PNPO: variants seen among roughly 807,000 people sequenced by gnomAD.
PNPO encodes pyridoxine-5'-phosphate oxidase.
PNPO carries 39 observed loss-of-function variants against 35.0 expected under a neutral mutation model. The ratio of observed to expected loss-of-function variants is 1.11; its 90% CI spans 0.86 to 1.45. The LOEUF is 1.45. Among genes scored for constraint, PNPO ranks in the 40% most tolerant of loss-of-function variants. PNPO has a pLI of 0.00. For synonymous variants in PNPO, 115 were observed against 119.8 expected (o/e 0.96, Z 0.26); for missense variants, 288 against 340.0 (o/e 0.85, Z 1.20).
chr17:47,945,684 C>T lies in PNPO; in HGVS notation c.417+72C>T, dbSNP rs963954421. ...GGCCTGAGTTTATGGCTACGTCTAG[C>T]GAAGGTCCCCAGACTGGGCAAACAT... On this transcript the variant is annotated intron_variant, in intron 4 of 6. Coordinates refer to ENST00000642017, the MANE Select transcript of PNPO (RefSeq NM_018129.4). This position sits in a 1 kb window ranked among gnomAD's most constrained non-coding sequence, Gnocchi z 4.0. 41 of 1,451,676 alleles carry T rather than the reference C, an allele frequency of 2.8e-5. No individual in the cohort carries two copies. Among genetic ancestry groups the T allele is most frequent in the Middle Eastern group, 1.8e-4 (1 of 5,668 alleles). 89.9% of individuals were successfully genotyped at this position (1,451,676 alleles called of 1,614,324 possible).
Position 47,945,947 on chromosome 17 carries a change from G to A in PNPO, c.504G>A (p.Gly168=), listed in dbSNP as rs141387622. Residue 168 remains glycine (G), a synonymous_variant, in exon 5 of 7, where the codon GGG becomes GGA. Transcript: ENST00000642017. The surrounding 1 kb of genome is among the most constrained non-coding windows in gnomAD (Gnocchi z 4.0). ...FHSRPKSSQI[G]AVVSHQSSVI... ...CCCGCCCCAAGAGCAGCCAGATTGG[G>A]GCTGTGGTCAGCCACCAGAGTTCTG... 15 of 1,613,938 alleles carry A rather than the reference G, an allele frequency of 9.3e-6. No homozygotes were observed. Among genetic ancestry groups the A allele is most frequent in the South Asian group, 6.6e-5 (6 of 91,090 alleles).
chr17:47,946,395 T>C lies in PNPO; in HGVS notation c.617+2T>C, dbSNP rs2036009287. 6.2e-7 allele frequency: 1 copy of C among 1,608,702 alleles called. No individual in the cohort carries two copies. The highest frequency in any genetic ancestry group is 1.3e-5 in the African/African-American group (1 of 74,958). On this transcript the variant is annotated splice_donor_variant, in intron 6 of 6. Coordinates refer to ENST00000642017, the MANE Select transcript of PNPO (RefSeq NM_018129.4). LOFTEE classifies it high-confidence loss of function. ...AGAGGTGCCCAAGCCAAAATCCTGGTGAGTGACATCTGGTAGTCCTCTAGA... is the reference window on the plus strand; with the variant it reads ...AGAGGTGCCCAAGCCAAAATCCTGGCGAGTGACATCTGGTAGTCCTCTAGA...
In PNPO at chr17:47,944,618, A is replaced by G; in HGVS notation, c.266A>G (p.Asp89Gly). ...NAMCLATCTRDGKPSARMLLL... is the reference protein window; with the variant it reads ...NAMCLATCTRGGKPSARMLLL... Reference sequence around the variant, plus strand: ...AGTGCTCTGCTCTTTGCTCCTAGAGATGGAAAACCCTCTGCTCGCATGTTG... The same window carrying G: ...AGTGCTCTGCTCTTTGCTCCTAGAGGTGGAAAACCCTCTGCTCGCATGTTG... Residue 89 changes from aspartate to glycine, a missense_variant and splice_region_variant, in exon 3 of 7, where the codon GAT (aspartate) becomes GGT (glycine). Physicochemically the swap from Asp to Gly is moderately conservative, Grantham distance 94. Transcript: ENST00000642017. 1 of 1,613,180 alleles carries G rather than the reference A, an allele frequency of 6.2e-7. No individual in the cohort carries two copies. The highest frequency in any genetic ancestry group is 8.5e-7 in the Non-Finnish European group (1 of 1,179,224).
Position 47,945,889 on chromosome 17 carries a change from TGCCTGAG to T in PNPO, c.448_454del (p.Pro150ArgfsTer26). ...CGTGTGGAAGGCCCTGTGAAGAAACTGCCTGAGGAGGAGGCTGAGTGCTACTTCCACT... is the reference window on the plus strand; with the variant it reads ...CGTGTGGAAGGCCCTGTGAAGAAACTGAGGAGGCTGAGTGCTACTTCCACT... On this transcript the variant is annotated frameshift_variant, in exon 5 of 7. Coordinates refer to ENST00000642017, the MANE Select transcript of PNPO (RefSeq NM_018129.4). LOFTEE classifies it high-confidence loss of function. This position sits in a 1 kb window ranked among gnomAD's most constrained non-coding sequence, Gnocchi z 4.0. The T allele has an allele frequency of 6.2e-7, 1 of 1,613,844 alleles. No individual in the cohort carries two copies.
At chr17:47,943,906 GTGGAT>G (rs1483368155) in intron 2 of PNPO, among the ~76,000 whole-genome samples, 1 of 152,224 alleles carries the variant, frequency 6.6e-6, no homozygotes, top group Non-Finnish European at 1.5e-5. Context: ...TACTGTGCGA[GTGGAT>G]ATCTCCCAGA....
In PNPO at chr17:47,946,918, A is replaced by G; in HGVS notation, c.*136A>G. 1.3e-6 allele frequency: 1 copy of G among 757,334 alleles called. No homozygotes were observed. The highest frequency in any genetic ancestry group is 2.2e-5 in the Admixed American group (1 of 45,002). 46.9% of individuals were successfully genotyped at this position (757,334 alleles called of 1,614,324 possible). On this transcript the variant is annotated 3_prime_UTR_variant, in exon 7 of 7. Transcript: ENST00000642017. ...TTATCTTCAGGACTCTTCAGAGCTA[A>G]TCCTCTAAGTTCTCTGTACTCAGTT...
chr17:47,944,200 CGTGTGTGTGTGTGT>C (rs3047638), intron 2 of PNPO, among the ~76,000 whole-genome samples: 2 of 142,230 alleles, frequency 1.4e-5, no homozygotes, highest in African/African-American at 2.6e-5. Context: ...CACTGCCTTT[CGTGTGTGTGTGTGT>C]GTGTGTGTGT....
rs2036034336 is a variant in PNPO at position 47,948,217 on chromosome 17, A to G, written c.*1435A>G. 1 of 152,124 alleles carries G rather than the reference A, an allele frequency of 6.6e-6. No homozygotes were observed. Among genetic ancestry groups the G allele is most frequent in the Non-Finnish European group, 1.5e-5 (1 of 68,020 alleles). 9.4% of individuals were successfully genotyped at this position (152,124 alleles called of 1,614,324 possible). On this transcript the variant is annotated 3_prime_UTR_variant, in exon 7 of 7. Coordinates refer to ENST00000642017, the MANE Select transcript of PNPO (RefSeq NM_018129.4). Reference sequence around the variant, plus strand: ...TTACTATCTATGTTTTTTTATGGAAACTGTGTGTATGTATACATACATTTT... The same window carrying G: ...TTACTATCTATGTTTTTTTATGGAAGCTGTGTGTATGTATACATACATTTT...
chr17:47,941,837 C>A, intron 1 of PNPO, 24 bp downstream of exon 1: 1 of 1,546,662 alleles, frequency 6.5e-7, no homozygotes, highest in East Asian at 2.4e-5. Context: ...GGCCAGGCCT[C>A]CTGCAGGGGC....
At position 47,948,094 on chromosome 17, in the gene PNPO, T is replaced by A. The variant is rs903172774; in HGVS notation, c.*1312T>A. 2.6e-5 allele frequency: 4 copies of A among 152,000 alleles called. No individual in the cohort carries two copies. 9.4% of individuals were successfully genotyped at this position (152,000 alleles called of 1,614,324 possible). On this transcript the variant is annotated 3_prime_UTR_variant, in exon 7 of 7. Transcript: ENST00000642017. The stretch of plus-strand genomic sequence containing the variant: ...ACAATCACACCTGCCTGAGAAGGAG[T>A]GGGCTGTCACTAGGAATTTTTATTC...
intron 2 of PNPO, among the ~76,000 whole-genome samples, chr17:47,943,768 C>T (rs1176610792): frequency 2.0e-5 from 3 of 152,226 alleles, no homozygotes; most frequent in Non-Finnish European, 2.9e-5. Flanking sequence ...GTCTCTCTCT[C>T]GAAATCTAGC....
At chr17:47,944,516 G>C (rs2035983628) in intron 2 of PNPO, 100 bp from the exon 3 acceptor site, 2 of 915,082 alleles carry the variant, frequency 2.2e-6, no homozygotes. Context: ...AATAAAGGGG[G>C]TGCAGCTGGA....
intron 1 of PNPO, 84 bp downstream of exon 1, chr17:47,941,897 G>A: frequency 1.4e-6 from 2 of 1,449,820 alleles, no homozygotes; most frequent in Non-Finnish European, 1.8e-6. Context: ...GGGAGTAGTA[G>A]GAGCCCCTCG....
rs35312568 is a variant in PNPO, at chr17:47,947,425, C to CT, written c.*657dup. On this transcript the variant is annotated 3_prime_UTR_variant, in exon 7 of 7. Transcript: ENST00000642017. ...CTATCTCTGTAAAGTCTCTCTCTCT[C>CT]TTTTTTTTTTTTTTACTTAATCTAG... 0.048 allele frequency: 6,817 copies of CT among 141,816 alleles called. 475 individuals are homozygous for CT. The highest frequency in any genetic ancestry group is 0.16 in the African/African-American group (6,136 of 38,780). The allele number at this position is 141,816 out of a possible 1,614,324, so 8.8% of individuals were successfully genotyped here.
chr17:47,946,282 G>A (rs367561432), intron 5 of PNPO, 41 bp from the exon 6 acceptor site: 15 of 1,443,732 alleles, frequency 1.0e-5, no homozygotes, highest in Non-Finnish European at 1.3e-5. Context: ...ATGAATCATT[G>A]ACTGGGCCTG....
In PNPO at chr17:47,945,925, G is replaced by A. The variant is rs770981773; in HGVS notation, c.482G>A (p.Arg161His). Reference protein sequence around the residue: ...EEEAECYFHSRPKSSQIGAVV... With the variant: ...EEEAECYFHSHPKSSQIGAVV... ...GAGGCTGAGTGCTACTTCCACTCCC[G>A]CCCCAAGAGCAGCCAGATTGGGGCT... The change falls in exon 5 of 7, where the codon CGC becomes CAC. Residue 161 changes from arginine to histidine, a missense_variant. Coordinates refer to ENST00000642017, the MANE Select transcript of PNPO (RefSeq NM_018129.4). This position sits in a 1 kb window ranked among gnomAD's most constrained non-coding sequence, Gnocchi z 4.0. The A allele has an allele frequency of 7.4e-6, 12 of 1,613,818 alleles. No individual in the cohort carries two copies. Among genetic ancestry groups the A allele is most frequent in the African/African-American group, 6.7e-5 (5 of 74,908 alleles).
rs1205048579 is a variant in PNPO, at chr17:47,946,866, A to T, written c.*84A>T. The T allele has an allele frequency of 8.5e-6, 11 of 1,299,344 alleles. No individual in the cohort carries two copies. The East Asian group carries it at 2.5e-4, about 30-fold the overall frequency. The allele number at this position is 1,299,344 out of a possible 1,614,324, so 80.5% of individuals were successfully genotyped here. On this transcript the variant is annotated 3_prime_UTR_variant, in exon 7 of 7. Coordinates refer to ENST00000642017, the MANE Select transcript of PNPO (RefSeq NM_018129.4). ...ATTGGGACCCAGGCCCTTCTTTCTAAACTCAACCCATTTCCCTCCCTACCC... is the reference window on the plus strand; with the variant it reads ...ATTGGGACCCAGGCCCTTCTTTCTATACTCAACCCATTTCCCTCCCTACCC...
At position 47,947,065 on chromosome 17, in the gene PNPO, G is replaced by GC. The variant is rs1201883011; in HGVS notation, c.*283_*284insC. The GC allele has an allele frequency of 4.6e-5, 19 of 412,782 alleles. No homozygotes were observed. The highest frequency in any genetic ancestry group is 3.6e-4 in the African/African-American group (18 of 49,404). The allele number at this position is 412,782 out of a possible 1,614,324, so 25.6% of individuals were successfully genotyped here. On this transcript the variant is annotated 3_prime_UTR_variant, in exon 7 of 7. Transcript: ENST00000642017. ...TTGATTAGGATAGCTCCCTCTAGGG[G>GC]TAGCAGCCGGTGTGACTCCCTTTCT... is the stretch of plus-strand genomic sequence containing the variant.
In PNPO at chr17:47,946,325, T is replaced by C. The variant is rs2036008214; in HGVS notation, c.549T>C (p.Tyr183=). The C allele has an allele frequency of 1.9e-6, 3 of 1,610,828 alleles. No individual in the cohort carries two copies. Among genetic ancestry groups the C allele is most frequent in the Non-Finnish European group, 2.5e-6 (3 of 1,177,058 alleles). Residue 183 remains tyrosine, a splice_region_variant and synonymous_variant, in exon 6 of 7, where the codon TAT becomes TAC. Coordinates refer to ENST00000642017, the MANE Select transcript of PNPO (RefSeq NM_018129.4). ...HQSSVIPDRE[Y]LRKKNEELEQ... is the part of the protein sequence containing the mutation. Reference sequence around the variant, plus strand: ...TTCTAACTCTTCCCCCTGGACAGTATCTGAGAAAGAAAAATGAGGAACTGG... The same window carrying C: ...TTCTAACTCTTCCCCCTGGACAGTACCTGAGAAAGAAAAATGAGGAACTGG...
Sources: gnomAD v4.1 joint callset for allele counts (sites outside exome capture counted in the v4.1 genomes callset) on GRCh38, gnomAD v4.1.1 for gene constraint, Gnocchi (gnomAD v3.1) non-coding constraint, MANE v1.5 for transcripts, NCBI Gene and HGNC (gene_info 2026-07-23, HGNC 2026-07-21) for gene names.